MYLK3: variants seen among roughly 807,000 people sequenced by gnomAD.
The protein encoded by MYLK3 is myosin light chain kinase 3.
MYLK3 carries 55 observed loss-of-function variants against 76.3 expected under a neutral mutation model. That is an observed-to-expected ratio of 0.72 (90% CI 0.58 to 0.90). The LOEUF is 0.90. Among genes scored for constraint, MYLK3 ranks in the 40% least tolerant of loss-of-function variants. The pLI is 0.00. For missense variants in MYLK3, 973 were observed against 1,053.6 expected, an observed-to-expected ratio of 0.92 and a Z score of 1.06; for synonymous variants, 416 against 425.4, an observed-to-expected ratio of 0.98 and a Z score of 0.27.
At chr16:46,761,265 T>C (rs1172232362) in intron 1 of MYLK3, among the ~76,000 whole-genome samples, 1 of 152,060 alleles carries the variant, frequency 6.6e-6, no homozygotes, top group Non-Finnish European at 1.5e-5. Context: ...GCCCAGCAGG[T>C]GGGACCCTTA....
intron 9 of MYLK3, among the ~76,000 whole-genome samples, chr16:46,718,021 C>A (rs1966761479): frequency 6.6e-6 from 1 of 152,188 alleles, no homozygotes; most frequent in South Asian, 2.1e-4. Context: ...CCATGGGGGA[C>A]AAACATTGGT....
chr16:46,723,323 T>C (rs1436391116), intron 8 of MYLK3, among the ~76,000 whole-genome samples: 1 of 152,232 alleles, frequency 6.6e-6, no homozygotes, highest in Admixed American at 6.5e-5. Context: ...AGCACTTCAT[T>C]CCTTTTCATG....
intron 5 of MYLK3, among the ~76,000 whole-genome samples, chr16:46,730,390 C>T (rs891896252): frequency 6.6e-6 from 1 of 152,144 alleles, no homozygotes; most frequent in African/African-American, 2.4e-5. Flanking sequence ...CGTGGGCTCT[C>T]GTGTCCTCTC....
Position 46,748,317 on chromosome 16 carries a change from C to T in MYLK3, c.-124G>A, listed in dbSNP as rs530027120. The T allele has an allele frequency of 4.1e-5, 59 of 1,438,940 alleles. No homozygotes were observed. The African/African-American group carries it at 7.3e-4, about 18-fold the overall frequency. 89.1% of individuals were successfully genotyped at this position (1,438,940 alleles called of 1,614,324 possible). A position where few individuals can be genotyped will look rare whatever the true frequency, so the allele number is the denominator to read the frequency against. On this transcript the variant is annotated 5_prime_UTR_variant, in exon 1 of 13. In the 5' UTR this introduces an upstream ATG that the reference lacks. Transcript: ENST00000394809. The surrounding 1 kb of genome is among the most constrained non-coding windows in gnomAD (Gnocchi z 4.3). ...CGTAGCTGACAGACTCCTGGCAGCACCAACCTCCACGATGGCCTGGGCTGT... is the reference window on the plus strand; with the variant it reads ...CGTAGCTGACAGACTCCTGGCAGCATCAACCTCCACGATGGCCTGGGCTGT...
intron 3 of MYLK3, among the ~76,000 whole-genome samples, chr16:46,736,863 G>C (rs889519821): frequency 6.6e-6 from 1 of 152,126 alleles, no homozygotes; most frequent in Non-Finnish European, 1.5e-5. Context: ...CCTGGGGACC[G>C]GGACGTGCTG....
chr16:46,719,664 G>A (rs1328928250), intron 9 of MYLK3, among the ~76,000 whole-genome samples: 3 of 152,202 alleles, frequency 2.0e-5, no homozygotes, highest in African/African-American at 7.2e-5. Context: ...GCTCAGTTCT[G>A]TGGGTTCCGC....
intron 3 of MYLK3, among the ~76,000 whole-genome samples, chr16:46,735,703 G>A (rs1027164234): frequency 1.3e-5 from 2 of 152,186 alleles, no homozygotes; most frequent in African/African-American, 4.8e-5. Context: ...AGGTAGGAAG[G>A]GAAGTGTGGC....
chr16:46,740,562 T>TTC (rs1966915134), intron 1 of MYLK3, among the ~76,000 whole-genome samples: 1 of 145,266 alleles, frequency 6.9e-6, no homozygotes, highest in Admixed American at 6.9e-5. Context: ...TTTTTTTTTT[T>TTC]TTTTTTTGAG....
chr16:46,758,047 A>C (rs557385540), intron 1 of MYLK3, among the ~76,000 whole-genome samples: 3 of 152,092 alleles, frequency 2.0e-5, no homozygotes, highest in African/African-American at 7.2e-5. Flanking sequence ...GGGTCCTGCT[A>C]TTGGCCCTCC....
upstream of MYLK3, among the ~76,000 whole-genome samples, chr16:46,751,406 C>CA (rs917283395): frequency 2.2e-4 from 33 of 149,142 alleles, no homozygotes; most frequent in African/African-American, 7.4e-4. Flanking sequence ...GACTCTGTCT[C>CA]AAAAAAGAAA....
rs1286186466 is a variant in MYLK3, at chr16:46,704,903, A to G, written c.*2801T>C. ...TCAAAAAACCTTTTAAAGAAAGATA[A>G]CTGACATTTAAAAAATAAGACATTT... On this transcript the variant is annotated 3_prime_UTR_variant, in exon 13 of 13. Coordinates refer to ENST00000394809, the MANE Select transcript of MYLK3 (RefSeq NM_182493.3). 3 of 152,254 alleles carry G rather than the reference A, an allele frequency of 2.0e-5. No homozygotes were observed. The highest frequency in any genetic ancestry group is 2.1e-4 in the South Asian group (1 of 4,836). The allele number at this position is 152,254 out of a possible 1,614,324, so 9.4% of individuals were successfully genotyped here. A position where few individuals can be genotyped will look rare whatever the true frequency, so the allele number is the denominator to read the frequency against.
chr16:46,723,504 T>G (rs1408534386), intron 8 of MYLK3, among the ~76,000 whole-genome samples: 1 of 152,262 alleles, frequency 6.6e-6, no homozygotes, highest in Non-Finnish European at 1.5e-5. Flanking sequence ...CTTAGGGGTA[T>G]AGCTAGGAGT....
intron 3 of MYLK3, among the ~76,000 whole-genome samples, chr16:46,734,699 G>C (rs138483801): frequency 2.0e-5 from 3 of 152,292 alleles, no homozygotes; most frequent in African/African-American, 7.2e-5. Context: ...CATGGAGACA[G>C]AAAGTACAAT....
Position 46,704,530 on chromosome 16 carries a change from C to G in MYLK3, c.*3174G>C, listed in dbSNP as rs1011521685. On this transcript the variant is annotated 3_prime_UTR_variant, in exon 13 of 13. Coordinates refer to ENST00000394809, the MANE Select transcript of MYLK3 (RefSeq NM_182493.3). ...GTGTGATCTTGGCTCACTGCAACCTCCACCCCCTGGGTTCAAGTGATTCTC... is the reference window on the plus strand; with the variant it reads ...GTGTGATCTTGGCTCACTGCAACCTGCACCCCCTGGGTTCAAGTGATTCTC... 1 of 152,146 alleles carries G rather than the reference C, an allele frequency of 6.6e-6. No individual in the cohort carries two copies. Among genetic ancestry groups the G allele is most frequent in the Non-Finnish European group, 1.5e-5 (1 of 68,036 alleles). 9.4% of individuals were successfully genotyped at this position (152,146 alleles called of 1,614,324 possible). A position where few individuals can be genotyped will look rare whatever the true frequency, so the allele number is the denominator to read the frequency against.
At chr16:46,723,953 A>G (rs922400143) in intron 8 of MYLK3, among the ~76,000 whole-genome samples, 3 of 152,170 alleles carry the variant, frequency 2.0e-5, no homozygotes, top group Non-Finnish European at 4.4e-5. Context: ...CCAGACTTTA[A>G]CACTTTTTAT....
intron 1 of MYLK3, among the ~76,000 whole-genome samples, chr16:46,742,491 C>CACAG (rs1190904711): frequency 2.6e-4 from 39 of 148,536 alleles, no homozygotes; most frequent in South Asian, 6.3e-4. Flanking sequence ...CACACACACA[C>CACAG]AGAAAAAAAC....
intron 1 of MYLK3, among the ~76,000 whole-genome samples, chr16:46,744,158 G>A (rs8049722): frequency 0.22 from 32,915 of 150,412 alleles, 3,711 homozygotes; most frequent in East Asian, 0.31. Flanking sequence ...TCAGCCTCCC[G>A]GGTAGCTAGG....
At chr16:46,721,975 T>G (rs961168834) in intron 8 of MYLK3, among the ~76,000 whole-genome samples, 1 of 152,108 alleles carries the variant, frequency 6.6e-6, no homozygotes, top group Non-Finnish European at 1.5e-5. Context: ...AAAGCATCAC[T>G]GGTTGGTTAA....
At chr16:46,745,759 A>G (rs986007273) in intron 1 of MYLK3, among the ~76,000 whole-genome samples, 2 of 152,094 alleles carry the variant, frequency 1.3e-5, no homozygotes, top group Non-Finnish European at 2.9e-5. Flanking sequence ...AAACAAAAAC[A>G]ACAAAGCAGT....
Sources: gnomAD v4.1 joint callset for allele counts (sites outside exome capture counted in the v4.1 genomes callset) on GRCh38, gnomAD v4.1.1 for gene constraint, Gnocchi (gnomAD v3.1) non-coding constraint, MANE v1.5 for transcripts, NCBI Gene and HGNC (gene_info 2026-07-23, HGNC 2026-07-21) for gene names.